The following GRID1 variants were observed in gnomAD, a reference collection of about 807,000 sequenced individuals.
GRID1 encodes the protein glutamate receptor ionotropic, delta-1.
A neutral mutation model predicts 98.0 loss-of-function variants in GRID1; 28 were observed. The ratio of observed to expected loss-of-function variants is 0.29; its 90% CI spans 0.21 to 0.39. The LOEUF (loss-of-function observed/expected upper bound fraction) is 0.39, where lower values mean the gene tolerates loss of function less well. Among genes scored for constraint, GRID1 ranks in the 10% least tolerant of loss-of-function variants. The pLI is 1.00. For synonymous variants in GRID1, 553 were observed against 538.5 expected, an observed-to-expected ratio of 1.03 and a Z score of -0.37; for missense variants, 1,111 against 1,340.5, an observed-to-expected ratio of 0.83 and a Z score of 2.67.
intron 5 of GRID1, among the ~76,000 whole-genome samples, chr10:85,873,538 C>T (rs1055088099): frequency 1.3e-5 from 2 of 152,096 alleles, no homozygotes; most frequent in Admixed American, 6.5e-5. Flanking sequence ...GATTTCAGTG[C>T]GCCTTTCATC....
chr10:85,797,742 G>T (rs1402605530), intron 8 of GRID1, among the ~76,000 whole-genome samples: 2 of 150,974 alleles, frequency 1.3e-5, no homozygotes, highest in African/African-American at 2.4e-5. Flanking sequence ...GAGCCACCAC[G>T]CCCAGCCCAC....
At chr10:86,326,995 G>A (rs568549998) in intron 2 of GRID1, among the ~76,000 whole-genome samples, 2 of 152,270 alleles carry the variant, frequency 1.3e-5, no homozygotes, top group South Asian at 4.1e-4. Context: ...AAATTAGCCA[G>A]ACATGGTGGC....
At chr10:86,080,149 C>T (rs888903859) in intron 4 of GRID1, among the ~76,000 whole-genome samples, 6 of 151,932 alleles carry the variant, frequency 3.9e-5, no homozygotes, top group African/African-American at 1.5e-4. Context: ...GCCTGGCCAA[C>T]ATGGTGAAAC....
intron 3 of GRID1, among the ~76,000 whole-genome samples, chr10:86,148,704 C>T (rs1396807965): frequency 6.6e-6 from 1 of 152,064 alleles, no homozygotes; most frequent in Non-Finnish European, 1.5e-5. Context: ...TACATCAAAA[C>T]ATGTTGTATA....
chr10:85,989,146 G>A (rs1021171675), intron 4 of GRID1, among the ~76,000 whole-genome samples: 9 of 152,212 alleles, frequency 5.9e-5, no homozygotes, highest in African/African-American at 1.9e-4. Flanking sequence ...ATCAGGGCAG[G>A]GGAACAGTGG....
intron 3 of GRID1, among the ~76,000 whole-genome samples, chr10:86,190,719 G>A (rs1407704146): frequency 1.3e-5 from 2 of 152,230 alleles, no homozygotes; most frequent in Non-Finnish European, 2.9e-5. Flanking sequence ...CAACTTAGAA[G>A]AAAAGAGTTA....
chr10:85,854,255 G>A (rs903476256), intron 8 of GRID1, among the ~76,000 whole-genome samples: 1 of 152,116 alleles, frequency 6.6e-6, no homozygotes, highest in Admixed American at 6.5e-5. Flanking sequence ...GTTGTTACCA[G>A]GTACCCCTGC....
intron 3 of GRID1, among the ~76,000 whole-genome samples, chr10:86,199,186 C>G (rs1845914472): frequency 6.6e-6 from 1 of 152,106 alleles, no homozygotes; most frequent in Non-Finnish European, 1.5e-5. Context: ...TGTGTGTCCA[C>G]TCAGATACAC....
chr10:86,077,487 G>T (rs934648214), intron 4 of GRID1, among the ~76,000 whole-genome samples: 2 of 152,074 alleles, frequency 1.3e-5, no homozygotes, highest in Non-Finnish European at 2.9e-5. Context: ...TTTGAGCTCG[G>T]TCCCACCTAA....
chr10:86,242,230 G>A (rs1846648353), intron 2 of GRID1, among the ~76,000 whole-genome samples: 1 of 152,232 alleles, frequency 6.6e-6, no homozygotes, highest in Admixed American at 6.5e-5. Flanking sequence ...AAGGTCAGGT[G>A]TTCCTGGCAG....
chr10:86,259,318 T>C (rs929399910), intron 2 of GRID1, among the ~76,000 whole-genome samples: 2 of 152,244 alleles, frequency 1.3e-5, no homozygotes, highest in Admixed American at 6.5e-5. Context: ...TCTTTACCTC[T>C]CTCTCTACCT....
intron 12 of GRID1, among the ~76,000 whole-genome samples, chr10:85,684,664 G>C (rs958660444): frequency 5.9e-5 from 9 of 152,258 alleles, no homozygotes; most frequent in Admixed American, 2.0e-4. Flanking sequence ...TTTCCTTTGA[G>C]AGAAGAAACA....
intron 4 of GRID1, among the ~76,000 whole-genome samples, chr10:85,928,985 T>C (rs970671654): frequency 2.0e-5 from 3 of 152,218 alleles, no homozygotes; most frequent in African/African-American, 7.2e-5. Flanking sequence ...GCTTTTAAAC[T>C]CCTTGGATTT....
At chr10:85,823,081 T>A (rs1462004318) in intron 8 of GRID1, among the ~76,000 whole-genome samples, 1 of 152,102 alleles carries the variant, frequency 6.6e-6, no homozygotes, top group East Asian at 1.9e-4. Context: ...GAGATATACC[T>A]AATGTAAATG....
At chr10:85,737,427 A>G (rs1438754292) in intron 8 of GRID1, among the ~76,000 whole-genome samples, 2 of 151,872 alleles carry the variant, frequency 1.3e-5, no homozygotes, top group Non-Finnish European at 2.9e-5. Context: ...TAATGAAGGC[A>G]ATGGAAATGC....
chr10:85,989,407 C>T (rs568897528), intron 4 of GRID1, among the ~76,000 whole-genome samples: 166 of 148,422 alleles, frequency 1.1e-3, no homozygotes, highest in South Asian at 2.7e-3. Flanking sequence ...CGGACTGGTA[C>T]CTGCATTTTC....
intron 4 of GRID1, among the ~76,000 whole-genome samples, chr10:86,006,848 G>A (rs1457509265): frequency 1.3e-5 from 2 of 151,854 alleles, no homozygotes; most frequent in Admixed American, 6.6e-5. Context: ...GGGAACACAG[G>A]ATTCTCACTA....
Position 86,366,175 on chromosome 10 carries a change from G to C in GRID1, c.79+139C>G, listed in dbSNP as rs1329952294. The C allele has an allele frequency of 4.9e-6, 2 of 405,780 alleles. No individual in the cohort carries two copies. Among genetic ancestry groups the C allele is most frequent in the African/African-American group, 2.1e-5 (1 of 46,566 alleles). 25.1% of individuals were successfully genotyped at this position (405,780 alleles called of 1,614,324 possible). On this transcript the variant is annotated intron_variant, in intron 1 of 15. Transcript: ENST00000327946. The surrounding 1 kb of genome is among the most constrained non-coding windows in gnomAD (Gnocchi z 4.1). The stretch of plus-strand genomic sequence containing the variant: ...CGGCCGGTGCACAGCTCCTCCGCCG[G>C]GCGGCGCGGCGCGGCCCTTCGGGGG...
intron 5 of GRID1, among the ~76,000 whole-genome samples, chr10:85,875,323 GT>G (rs1193130078): frequency 6.6e-6 from 1 of 152,046 alleles, no homozygotes; most frequent in Non-Finnish European, 1.5e-5. Context: ...AGCTACATGA[GT>G]TTTATTTGGT....
Sources: gnomAD v4.1 joint callset for allele counts (sites outside exome capture counted in the v4.1 genomes callset) on GRCh38, gnomAD v4.1.1 for gene constraint, Gnocchi (gnomAD v3.1) non-coding constraint, MANE v1.5 for transcripts, NCBI Gene and HGNC (gene_info 2026-07-23, HGNC 2026-07-21) for gene names.